Variants in EDAR observed in about 807,000 individuals in gnomAD.
EDAR encodes the protein tumor necrosis factor receptor superfamily member EDAR.
A neutral mutation model predicts 51.3 loss-of-function variants in EDAR; 38 were observed. The ratio of observed to expected loss-of-function variants is 0.74; its 90% CI spans 0.57 to 0.97. The LOEUF is 0.97. Among genes scored for constraint, EDAR ranks in the 50% least tolerant of loss-of-function variants. The pLI is 0.00. For missense variants in EDAR, 528 were observed against 595.0 expected (o/e 0.89, Z 1.17); for synonymous variants, 227 against 242.1 (o/e 0.94, Z 0.58).
At chr2:108,961,255 A>ATT in intron 1 of EDAR, among the ~76,000 whole-genome samples, 1 of 151,834 alleles carries the variant, frequency 6.6e-6, no homozygotes, top group African/African-American at 2.4e-5. Context: ...AGGAAAGGGA[A>ATT]CAGTTGCCAG....
At chr2:108,970,494 G>A (rs568030023) in intron 1 of EDAR, among the ~76,000 whole-genome samples, 1 of 152,152 alleles carries the variant, frequency 6.6e-6, no homozygotes, top group African/African-American at 2.4e-5. Flanking sequence ...AGGACACTGA[G>A]TGGAGATGGT....
At chr2:108,947,374 G>A (rs190123543) in intron 1 of EDAR, among the ~76,000 whole-genome samples, 58 of 152,236 alleles carry the variant, frequency 3.8e-4, no homozygotes, top group Non-Finnish European at 7.5e-4. Flanking sequence ...TACCATTCTC[G>A]GGTCTGGAAA....
chr2:108,944,695 C>T (rs1319391991), intron 1 of EDAR, among the ~76,000 whole-genome samples: 2 of 152,102 alleles, frequency 1.3e-5, no homozygotes, highest in African/African-American at 4.8e-5. Context: ...GTCCTGGTGT[C>T]TGGGCCTGGG....
chr2:108,922,705 C>T (rs964446979), intron 5 of EDAR, among the ~76,000 whole-genome samples: 4 of 152,230 alleles, frequency 2.6e-5, no homozygotes, highest in African/African-American at 7.2e-5. Context: ...TCCTGCAGCC[C>T]GGCACCAGAC....
At chr2:108,960,095 C>A (rs1189774899) in intron 1 of EDAR, among the ~76,000 whole-genome samples, 1 of 152,194 alleles carries the variant, frequency 6.6e-6, no homozygotes, top group Non-Finnish European at 1.5e-5. Flanking sequence ...CCACCCTGCA[C>A]ACCCTGTGGC....
rs1489757225 is a variant in EDAR, at chr2:108,895,348, T to G, written c.*1559A>C. The G allele has an allele frequency of 6.6e-6, 1 of 152,622 alleles. No individual in the cohort carries two copies. The highest frequency in any genetic ancestry group is 1.5e-5 in the Non-Finnish European group (1 of 68,034). The allele number at this position is 152,622 out of a possible 1,614,324, so 9.5% of individuals were successfully genotyped here. ...AGTCAGAGACTTTGTTTTAATGTAG[T>G]AATAAACACAGACCTGCCATCAGGG... On this transcript the variant is annotated 3_prime_UTR_variant, in exon 12 of 12. Transcript: ENST00000258443.
intron 1 of EDAR, among the ~76,000 whole-genome samples, chr2:108,946,920 A>G (rs188781173): frequency 3.3e-5 from 5 of 152,188 alleles, no homozygotes; most frequent in Non-Finnish European, 5.9e-5. Flanking sequence ...TTCAAAACCA[A>G]TCATGCCTTC....
intron 8 of EDAR, 23 bp from the exon 9 acceptor site, chr2:108,910,555 G>T: frequency 6.3e-7 from 1 of 1,599,834 alleles, no homozygotes; most frequent in South Asian, 1.1e-5. Context: ...GGGGAGGTTG[G>T]GGAGATAGGA....
intron 1 of EDAR, among the ~76,000 whole-genome samples, chr2:108,938,360 G>T (rs2105466021): frequency 6.6e-6 from 1 of 152,320 alleles, no homozygotes; most frequent in African/African-American, 2.4e-5. Flanking sequence ...TGCTAATTAT[G>T]TTATGAAGCA....
At chr2:108,980,825 C>T (rs866487303) in intron 1 of EDAR, among the ~76,000 whole-genome samples, 1 of 152,242 alleles carries the variant, frequency 6.6e-6, no homozygotes, top group Middle Eastern at 3.4e-3. Context: ...GCCAACCTGG[C>T]ACCATACTCC....
In EDAR at chr2:108,931,016, C is replaced by A; in HGVS notation, c.-2G>T. 6.2e-7 allele frequency: 1 copy of A among 1,614,048 alleles called. No individual in the cohort carries two copies. Among genetic ancestry groups the A allele is most frequent in the South Asian group, 1.1e-5 (1 of 91,088 alleles). On this transcript the variant is annotated 5_prime_UTR_variant, in exon 2 of 12. It adds an upstream start codon to the 5' untranslated region. Coordinates refer to ENST00000258443, the MANE Select transcript of EDAR (RefSeq NM_022336.4). ...CGTGCAGTCCCCCACATGGGCCATC[C>A]TCTCCCAAGGGCTCACCTGAAAGAC... is the stretch of plus-strand genomic sequence containing the variant.
At chr2:108,910,651 C>A in intron 8 of EDAR, 119 bp from the exon 9 acceptor site, 1 of 1,413,250 alleles carries the variant, frequency 7.1e-7, no homozygotes. Context: ...TGGCACCACC[C>A]CACGGTAAGC....
At chr2:108,916,948 C>T (rs980579261) in intron 5 of EDAR, among the ~76,000 whole-genome samples, 1 of 152,142 alleles carries the variant, frequency 6.6e-6, no homozygotes, top group African/African-American at 2.4e-5. Context: ...GGGATTCAGA[C>T]TTGCCCACAG....
At chr2:108,926,493 A>G (rs1466253996) in intron 4 of EDAR, among the ~76,000 whole-genome samples, 1 of 152,056 alleles carries the variant, frequency 6.6e-6, no homozygotes, top group Non-Finnish European at 1.5e-5. Flanking sequence ...CCAGATGTTC[A>G]TTTTCCTCCA....
intron 1 of EDAR, among the ~76,000 whole-genome samples, chr2:108,949,055 G>A (rs1277398960): frequency 1.3e-5 from 2 of 152,178 alleles, no homozygotes; most frequent in Non-Finnish European, 1.5e-5. Context: ...TGGCTTCACT[G>A]CAGTCTCGAC....
intron 1 of EDAR, among the ~76,000 whole-genome samples, chr2:108,957,483 G>C (rs1458605863): frequency 6.6e-6 from 1 of 152,212 alleles, no homozygotes; most frequent in Non-Finnish European, 1.5e-5. Flanking sequence ...CGGGCTCATG[G>C]AGGCCCCCCA....
intron 11 of EDAR, among the ~76,000 whole-genome samples, chr2:108,898,597 A>G (rs61046697): frequency 0.029 from 4,379 of 152,324 alleles, 200 homozygotes; most frequent in African/African-American, 0.1. Context: ...TAAAAAAAGA[A>G]AATCAATAGA....
chr2:108,927,075 T>A (rs563477633), intron 4 of EDAR, among the ~76,000 whole-genome samples: 2 of 152,316 alleles, frequency 1.3e-5, no homozygotes, highest in South Asian at 4.1e-4. Flanking sequence ...GCGTTGGGAC[T>A]GGCAGTGAGG....
At position 108,956,921 on chromosome 2, in the gene EDAR, TG is replaced by T. The variant is rs1185078520; in HGVS notation, c.-18-25890del. Among the ~76,000 whole-genome samples, 13 of 152,184 alleles carry T rather than the reference TG, an allele frequency of 8.5e-5. 1 individual carries two copies. Among genetic ancestry groups the T allele is most frequent in the Admixed American group, 8.5e-4 (13 of 15,278 alleles). On this transcript the variant is annotated intron_variant, in intron 1 of 11. Coordinates refer to ENST00000258443, the MANE Select transcript of EDAR (RefSeq NM_022336.4). ...CTCCTGCCTCAGCCTCCCGAGTAGCTGGGATTACAGGCACCTACCACCACGC... is the reference window on the plus strand; with the variant it reads ...CTCCTGCCTCAGCCTCCCGAGTAGCTGGATTACAGGCACCTACCACCACGC...
Sources: gnomAD v4.1 joint callset for allele counts (sites outside exome capture counted in the v4.1 genomes callset) on GRCh38, gnomAD v4.1.1 for gene constraint, MANE v1.5 for transcripts, NCBI Gene and HGNC (gene_info 2026-07-23, HGNC 2026-07-21) for gene names.